Variants in MYO5C observed in about 807,000 individuals in gnomAD.
The protein encoded by MYO5C is myosin VC.
In MYO5C, 194 loss-of-function variants were observed where a neutral mutation model predicts 235.7. That is an observed-to-expected ratio of 0.82 (90% CI 0.73 to 0.93). The LOEUF (loss-of-function observed/expected upper bound fraction) is 0.93. Among genes scored for constraint, MYO5C ranks in the 40% least tolerant of loss-of-function variants. MYO5C has a pLI of 0.00. For synonymous variants in MYO5C, 707 were observed against 754.8 expected, an observed-to-expected ratio of 0.94 and a Z score of 1.04; for missense variants, 2,038 against 2,127.2, an observed-to-expected ratio of 0.96 and a Z score of 0.82.
intron 21 of MYO5C, 50 bp downstream of exon 21, chr15:52,239,683 A>T (rs2036168908): frequency 6.5e-7 from 1 of 1,544,148 alleles, no homozygotes. Context: ...AGAACAAACT[A>T]CAGCCATGTA....
Position 52,242,083 on chromosome 15 carries a change from T to C in MYO5C, c.2521A>G (p.Ser841Gly). 1 of 1,613,820 alleles carries C rather than the reference T, an allele frequency of 6.2e-7. No homozygotes were observed. Among genetic ancestry groups the C allele is most frequent in the Non-Finnish European group, 8.5e-7 (1 of 1,179,868 alleles). The part of the protein sequence containing the change: ...RMATITMQAY[S>G]RGFLARRRYR... ...CTCCTCCTTGCCAGGAATCCTCGGC[T>C]GTAGGCCTGCATTGTGATGGTGGCC... The change falls in exon 20 of 41, where the codon AGC becomes GGC. Residue 841 changes from serine to glycine, a missense_variant. Ser to Gly is a moderately conservative substitution (Grantham distance 56). Coordinates refer to ENST00000261839, the MANE Select transcript of MYO5C (RefSeq NM_018728.4).
chr15:52,202,882 T>C (rs2035219849), intron 38 of MYO5C, among the ~76,000 whole-genome samples: 1 of 151,920 alleles, frequency 6.6e-6, no homozygotes, highest in Non-Finnish European at 1.5e-5. Flanking sequence ...TTTTTCTGGG[T>C]ACATAGTAGG....
Position 52,192,571 on chromosome 15 carries a change from C to G in MYO5C, c.*1331G>C, listed in dbSNP as rs1374210705. On this transcript the variant is annotated 3_prime_UTR_variant, in exon 41 of 41. Coordinates refer to ENST00000261839, the MANE Select transcript of MYO5C (RefSeq NM_018728.4). ...GCAATTGGGATTCTTAGGTTGGTGA[C>G]AGAATAGCACTGGATCCACAGGCCA... 1 of 152,114 alleles carries G rather than the reference C, an allele frequency of 6.6e-6. No homozygotes were observed. Among genetic ancestry groups the G allele is most frequent in the African/African-American group, 2.4e-5 (1 of 41,410 alleles). 9.4% of individuals were successfully genotyped at this position (152,114 alleles called of 1,614,324 possible). A position where few individuals can be genotyped will look rare whatever the true frequency, so the allele number is the denominator to read the frequency against.
intron 24 of MYO5C, among the ~76,000 whole-genome samples, chr15:52,230,070 T>A (rs763047864): frequency 6.6e-6 from 1 of 152,242 alleles, no homozygotes; most frequent in Non-Finnish European, 1.5e-5. Context: ...ATCTGCTATG[T>A]CCAGGGGTCT....
Position 52,245,472 on chromosome 15 carries a change from A to G in MYO5C, c.2067-7T>C, listed in dbSNP as rs750914148. On this transcript the variant is annotated splice_polypyrimidine_tract_variant and splice_region_variant and intron_variant, in intron 17 of 40. Coordinates refer to ENST00000261839, the MANE Select transcript of MYO5C (RefSeq NM_018728.4). ...GAACTCGATGTATGTCCACCTGGAAAATCAAAGGGGATCAAAGCCAGGAGT... is the reference window on the plus strand; with the variant it reads ...GAACTCGATGTATGTCCACCTGGAAGATCAAAGGGGATCAAAGCCAGGAGT... The G allele has an allele frequency of 3.7e-6, 6 of 1,601,216 alleles. No individual in the cohort carries two copies. Among genetic ancestry groups the G allele is most frequent in the Non-Finnish European group, 5.1e-6 (6 of 1,168,412 alleles).
At chr15:52,250,242 C>CTTTTTTTTTTTTTTT (rs926393877) in intron 13 of MYO5C, among the ~76,000 whole-genome samples, 1 of 85,686 alleles carries the variant, frequency 1.2e-5, no homozygotes, top group Non-Finnish European at 2.1e-5. Flanking sequence ...TTTTCTTTTT[C>CTTTTTTTTTTTTTTT]TTTTTCTTTT....
In MYO5C at chr15:52,225,438, C is replaced by T; in HGVS notation, c.3301+1G>A. On this transcript the variant is annotated splice_donor_variant, in intron 26 of 40. Transcript: ENST00000261839. LOFTEE classifies it high-confidence loss of function. ...GACTAAGAGACTCATATTTTTATTA[C>T]CTCTCATTTCCCGTTTTTGTGACTG... The T allele has an allele frequency of 6.2e-7, 1 of 1,605,112 alleles. No individual in the cohort carries two copies. The highest frequency in any genetic ancestry group is 8.5e-7 in the Non-Finnish European group (1 of 1,172,012).
chr15:52,272,441 G>A lies in MYO5C; in HGVS notation c.750+139C>T. ...ATCAATTTTTAATAAACAGAAAAAA[G>A]AATCCAAACTGCAAATGAAAGACAA... is the stretch of plus-strand genomic sequence containing the variant. On this transcript the variant is annotated intron_variant, in intron 6 of 40. Transcript: ENST00000261839. The A allele has an allele frequency of 3.8e-6, 3 of 781,688 alleles. No individual in the cohort carries two copies. In the East Asian group the frequency reaches 8.0e-5, roughly 21 times the overall value. 48.4% of individuals were successfully genotyped at this position (781,688 alleles called of 1,614,324 possible).
In MYO5C at chr15:52,275,568, G is replaced by A. The variant is rs1484465523; in HGVS notation, c.600C>T (p.Ile200=). 6.2e-7 allele frequency: 1 copy of A among 1,614,198 alleles called. No individual in the cohort carries two copies. Among genetic ancestry groups the A allele is most frequent in the South Asian group, 1.1e-5 (1 of 91,072 alleles). The change falls in exon 5 of 41, where the codon ATC becomes ATT. Residue 200 remains isoleucine, a synonymous_variant. Transcript: ENST00000261839. The stretch of plus-strand genomic sequence containing the variant: ...CTTCCGCAGTGGTACGCACCTCGGT[G>A]ATGGGATTGGATGCCAGGACCTTGT... ...VEDKVLASNP[I]TEAVGNAKTT...
rs141673566 is a variant in MYO5C, at chr15:52,198,070, C to T, written c.4821-1587G>A. On this transcript the variant is annotated intron_variant, in intron 38 of 40. Transcript: ENST00000261839. ...GCTCTGGGCCAGGCATGGTGGCTCA[C>T]GCCTATAATCCCAGCACTTTGGGAG... Among the ~76,000 whole-genome samples the T allele has an allele frequency of 7.2e-5, 11 of 152,174 alleles. No individual in the cohort carries two copies. In the East Asian group the frequency reaches 1.7e-3, roughly 24 times the overall value.
chr15:52,255,399 T>C (rs1251137378), intron 11 of MYO5C, among the ~76,000 whole-genome samples: 3 of 152,240 alleles, frequency 2.0e-5, no homozygotes, highest in South Asian at 2.1e-4. Flanking sequence ...ATTTCTATTA[T>C]GAACTGGAAT....
Position 52,237,510 on chromosome 15 carries a change from C to T in MYO5C, c.2840G>A (p.Gly947Glu). 6.2e-7 allele frequency: 1 copy of T among 1,614,176 alleles called. No homozygotes were observed. Among genetic ancestry groups the T allele is most frequent in the Non-Finnish European group, 8.5e-7 (1 of 1,180,028 alleles). Residue 947 changes from glycine to glutamate, a missense_variant, in exon 22 of 41, where the codon GGG becomes GAG. Gly to Glu is a moderately conservative substitution (Grantham distance 98). Coordinates refer to ENST00000261839, the MANE Select transcript of MYO5C (RefSeq NM_018728.4). ...TTCCACAGCATCCCTGTATCTCTTCCCCTTCTCCTCGTAATTTCGCCTGTG... is the reference window on the plus strand; with the variant it reads ...TTCCACAGCATCCCTGTATCTCTTCTCCTTCTCCTCGTAATTTCGCCTGTG... The part of the protein sequence containing the change: ...ATHRRNYEEK[G>E]KRYRDAVEEK...
intron 10 of MYO5C, among the ~76,000 whole-genome samples, chr15:52,260,310 G>A (rs1254316447): frequency 6.6e-6 from 1 of 152,230 alleles, no homozygotes; most frequent in African/African-American, 2.4e-5. Flanking sequence ...GGGGTAGGGG[G>A]GTGGTTGATC....
chr15:52,255,727 C>A (rs900966862), intron 11 of MYO5C, among the ~76,000 whole-genome samples: 1 of 151,742 alleles, frequency 6.6e-6, no homozygotes, highest in Non-Finnish European at 1.5e-5. Context: ...ATTCAATACA[C>A]ATAGCAATAA....
chr15:52,266,945 A>G (rs2036826288), intron 8 of MYO5C, among the ~76,000 whole-genome samples: 2 of 152,186 alleles, frequency 1.3e-5, no homozygotes, highest in Admixed American at 1.3e-4. Context: ...ATGCCTTGAG[A>G]GGACACGGTA....
chr15:52,205,469 A>C, intron 37 of MYO5C: 1 of 350,344 alleles, frequency 2.9e-6, no homozygotes, highest in Non-Finnish European at 5.1e-6. Flanking sequence ...AAATTTCAGG[A>C]AATTAAGGAA....
intron 23 of MYO5C, among the ~76,000 whole-genome samples, chr15:52,233,681 C>G (rs1441973139): frequency 6.6e-6 from 1 of 152,240 alleles, no homozygotes; most frequent in Non-Finnish European, 1.5e-5. Flanking sequence ...GAGTCGCAAA[C>G]ACAAAGTCTG....
intron 39 of MYO5C, 149 bp downstream of exon 39, chr15:52,196,160 G>C (rs570599388): frequency 1.7e-6 from 1 of 599,382 alleles, no homozygotes; most frequent in East Asian, 3.0e-5. Flanking sequence ...ATATTTATTA[G>C]ATAAAAGGGT....
intron 37 of MYO5C, 26 bp from the exon 38 acceptor site, chr15:52,205,173 T>G (rs780633839): frequency 1.2e-6 from 2 of 1,607,340 alleles, no homozygotes; most frequent in Non-Finnish European, 1.7e-6. Context: ...GAGGCTGTGC[T>G]GACACGCCAG....
Sources: gnomAD v4.1 joint callset for allele counts (sites outside exome capture counted in the v4.1 genomes callset) on GRCh38, gnomAD v4.1.1 for gene constraint, MANE v1.5 for transcripts, NCBI Gene and HGNC (gene_info 2026-07-23, HGNC 2026-07-21) for gene names.